WDR7: variants seen among roughly 807,000 people sequenced by gnomAD.
WDR7 encodes WD repeat domain 7.
Under a neutral mutation model 169.4 loss-of-function variants are expected in WDR7, and 46 were observed. That is an observed-to-expected ratio of 0.27 (90% confidence interval 0.21 to 0.35). The LOEUF is 0.35. Among genes scored for constraint, WDR7 ranks in the 10% least tolerant of loss-of-function variants. The pLI is 1.00. For synonymous variants in WDR7, 612 were observed against 666.8 expected, an observed-to-expected ratio of 0.92 and a Z score of 1.27; for missense variants, 1,534 against 1,859.3, an observed-to-expected ratio of 0.83 and a Z score of 3.22.
chr18:56,882,822 T>C (rs762045124), intron 21 of WDR7, among the ~76,000 whole-genome samples: 27 of 152,370 alleles, frequency 1.8e-4, no homozygotes, highest in Non-Finnish European at 3.2e-4. Context: ...TTTTGTGTAA[T>C]TTCTCAACAC....
At chr18:57,023,456 A>G (rs2048318045) in intron 27 of WDR7, among the ~76,000 whole-genome samples, 1 of 152,234 alleles carries the variant, frequency 6.6e-6, no homozygotes, top group South Asian at 2.1e-4. Context: ...GAGACTTAGT[A>G]AGGTCTGTGT....
chr18:56,656,300 G>A (rs1055663514), intron 1 of WDR7, among the ~76,000 whole-genome samples: 7 of 143,634 alleles, frequency 4.9e-5, no homozygotes, highest in African/African-American at 1.6e-4. Context: ...TTTTTTTGGA[G>A]ATGGAGTCTT....
intron 12 of WDR7, among the ~76,000 whole-genome samples, chr18:56,714,312 A>ATT (rs11432752): frequency 6.6e-6 from 1 of 150,772 alleles, no homozygotes; most frequent in African/African-American, 2.4e-5. Flanking sequence ...AGTAATATTG[A>ATT]TTTTTTTTTG....
intron 26 of WDR7, among the ~76,000 whole-genome samples, chr18:56,999,074 ATATT>A (rs2047938720): frequency 6.6e-6 from 1 of 152,220 alleles, no homozygotes; most frequent in African/African-American, 2.4e-5. Flanking sequence ...AGTTATGAAA[ATATT>A]TATGGAATCT....
intron 26 of WDR7, among the ~76,000 whole-genome samples, chr18:56,995,816 C>G (rs2047892132): frequency 6.6e-6 from 1 of 152,126 alleles, no homozygotes; most frequent in Non-Finnish European, 1.5e-5. Flanking sequence ...GCTCTCTGAG[C>G]TTGGTGTGAT....
chr18:56,914,999 A>G (rs921291536), intron 21 of WDR7, among the ~76,000 whole-genome samples: 17 of 152,196 alleles, frequency 1.1e-4, no homozygotes, highest in African/African-American at 3.9e-4. Context: ...AACTACTTTG[A>G]AGACTGTTTT....
Position 56,696,395 on chromosome 18 carries a change from T to A in WDR7, c.1511T>A (p.Met504Lys). 1 of 1,614,148 alleles carries A rather than the reference T, an allele frequency of 6.2e-7. No individual in the cohort carries two copies. The highest frequency in any genetic ancestry group is 8.5e-7 in the Non-Finnish European group (1 of 1,180,008). Residue 504 changes from methionine to lysine, a missense_variant, in exon 12 of 28, where the codon ATG becomes AAG. Coordinates refer to ENST00000254442, the MANE Select transcript of WDR7 (RefSeq NM_015285.3). ...VIIWDIFSGEMKHIFCVHGGE... is the reference protein window; with the variant it reads ...VIIWDIFSGEKKHIFCVHGGE... ...ATTTGGGACATATTTTCTGGAGAAA[T>A]GAAACATATCTTCTGTGTTCATGGT... is the stretch of plus-strand genomic sequence containing the variant.
intron 25 of WDR7, among the ~76,000 whole-genome samples, chr18:56,956,017 T>G (rs1309392886): frequency 2.0e-5 from 3 of 152,152 alleles, no homozygotes; most frequent in African/African-American, 7.2e-5. Context: ...GCTTGTAACA[T>G]GCCAGCTACA....
At chr18:56,791,143 T>TTG (rs1555691956) in intron 19 of WDR7, among the ~76,000 whole-genome samples, 27 of 152,152 alleles carry the variant, frequency 1.8e-4, no homozygotes, top group Non-Finnish European at 2.9e-4. Context: ...CACAGGGTTT[T>TTG]TGTGTGTGTG....
At chr18:56,702,544 T>C (rs1217080536) in intron 12 of WDR7, among the ~76,000 whole-genome samples, 1 of 152,214 alleles carries the variant, frequency 6.6e-6, no homozygotes, top group Non-Finnish European at 1.5e-5. Flanking sequence ...TGTGGTGATA[T>C]TTTACATGAA....
intron 26 of WDR7, among the ~76,000 whole-genome samples, chr18:56,983,952 A>C (rs1293483075): frequency 1.3e-5 from 2 of 152,128 alleles, no homozygotes; most frequent in Non-Finnish European, 2.9e-5. Context: ...TAAATATTGT[A>C]ACAATAGAAA....
intron 20 of WDR7, among the ~76,000 whole-genome samples, chr18:56,825,202 C>G (rs2045177978): frequency 6.6e-6 from 1 of 152,164 alleles, no homozygotes; most frequent in African/African-American, 2.4e-5. Flanking sequence ...TGCCTTGGCA[C>G]CAAATCTTTC....
At chr18:56,895,739 A>G (rs1260694948) in intron 21 of WDR7, among the ~76,000 whole-genome samples, 1 of 151,922 alleles carries the variant, frequency 6.6e-6, no homozygotes, top group African/African-American at 2.4e-5. Flanking sequence ...ATGAAGAGAA[A>G]AAAAGAATTA....
intron 21 of WDR7, among the ~76,000 whole-genome samples, chr18:56,923,193 C>T (rs894786379): frequency 2.1e-4 from 32 of 152,240 alleles, no homozygotes; most frequent in African/African-American, 7.5e-4. Context: ...TGTCAAAATG[C>T]CTTCTGAAGT....
chr18:57,020,824 C>T lies in WDR7; in HGVS notation c.4244C>T (p.Thr1415Ile), dbSNP rs1211668341. ...AGATATCTTGCCACCTACTCAAACA[C>T]TGACAGCCACATTTCTTTTTGGCAG... is the stretch of plus-strand genomic sequence containing the variant. ...DGRYLATYSNTDSHISFWQMN... is the reference protein window; with the variant it reads ...DGRYLATYSNIDSHISFWQMN... Residue 1415 changes from threonine (T) to isoleucine (I), a missense_variant, in exon 27 of 28, where the codon ACT becomes ATT. By Grantham distance (89) the Thr-to-Ile change is moderately conservative. Coordinates refer to ENST00000254442, the MANE Select transcript of WDR7 (RefSeq NM_015285.3). The T allele has an allele frequency of 1.2e-6, 2 of 1,614,108 alleles. No homozygotes were observed. Among genetic ancestry groups the T allele is most frequent in the Admixed American group, 3.3e-5 (2 of 60,010 alleles).
chr18:56,706,060 C>T (rs2025946190), intron 12 of WDR7, among the ~76,000 whole-genome samples: 1 of 152,136 alleles, frequency 6.6e-6, no homozygotes, highest in African/African-American at 2.4e-5. Context: ...GTATGTGCTG[C>T]AGTCTAGCTG....
chr18:56,966,292 C>T (rs553311843), intron 26 of WDR7, among the ~76,000 whole-genome samples: 1 of 152,044 alleles, frequency 6.6e-6, no homozygotes, highest in East Asian at 1.9e-4. Context: ...TGTGCCTTGC[C>T]TCTCCTGCCC....
chr18:56,823,370 G>C (rs2045135470), intron 20 of WDR7, among the ~76,000 whole-genome samples: 1 of 152,154 alleles, frequency 6.6e-6, no homozygotes, highest in Non-Finnish European at 1.5e-5. Context: ...CTGAGGTCAG[G>C]AGTTCGAGAC....
intron 21 of WDR7, among the ~76,000 whole-genome samples, chr18:56,894,820 T>A (rs2046309003): frequency 1.3e-5 from 2 of 152,104 alleles, no homozygotes; most frequent in African/African-American, 4.8e-5. Flanking sequence ...AGTTTGCTAA[T>A]CTTTTTGAAA....
Sources: allele counts gnomAD v4.1 joint callset (sites outside exome capture counted in the v4.1 genomes callset), GRCh38; gene constraint gnomAD v4.1.1; transcripts MANE v1.5; gene names NCBI Gene and HGNC (gene_info 2026-07-23, HGNC 2026-07-21).